ASIC2: variants seen among roughly 807,000 people sequenced by gnomAD.
ASIC2 encodes the protein acid-sensing ion channel 2.
Under a neutral mutation model 57.3 loss-of-function variants are expected in ASIC2, and 25 were observed. The observed-to-expected ratio is 0.44, with a 90% CI of 0.32 to 0.61. The LOEUF (loss-of-function observed/expected upper bound fraction) is 0.61. Ranked by LOEUF, ASIC2 falls within the 20% of genes least tolerant of loss-of-function variation. The probability of loss-of-function intolerance (pLI) is 0.06; values close to 1 mark genes in which losing one functional copy is unlikely to be tolerated. For synonymous variants in ASIC2, 319 were observed against 307.5 expected, an observed-to-expected ratio of 1.04 and a Z score of -0.39; for missense variants, 641 against 738.1, an observed-to-expected ratio of 0.87 and a Z score of 1.52.
upstream of ASIC2, among the ~76,000 whole-genome samples, chr17:33,293,346 G>T (rs1246428715): frequency 6.6e-6 from 1 of 152,160 alleles, no homozygotes; most frequent in Non-Finnish European, 1.5e-5. Context: ...CTGGAGACGC[G>T]GTGCTGACGC....
chr17:33,507,742 A>G (rs1157078606), intron 1 of ASIC2, among the ~76,000 whole-genome samples: 2 of 152,100 alleles, frequency 1.3e-5, no homozygotes, highest in Non-Finnish European at 2.9e-5. Context: ...TCTCTACTAA[A>G]AATACAAAAA....
intron 1 of ASIC2, among the ~76,000 whole-genome samples, chr17:33,946,774 A>G (rs1433840971): frequency 6.6e-6 from 1 of 152,182 alleles, no homozygotes; most frequent in East Asian, 1.9e-4. Context: ...GCCAGGGGAC[A>G]AGGGTCATGG....
chr17:34,098,930 G>C (rs1329761818), intron 1 of ASIC2, among the ~76,000 whole-genome samples: 3 of 151,950 alleles, frequency 2.0e-5, no homozygotes, highest in Admixed American at 2.0e-4. Flanking sequence ...CCGTGATACT[G>C]TGTGATACAT....
intron 1 of ASIC2, among the ~76,000 whole-genome samples, chr17:33,766,302 T>C (rs1910934697): frequency 6.6e-6 from 1 of 152,210 alleles, no homozygotes; most frequent in Non-Finnish European, 1.5e-5. Flanking sequence ...ATTTAGGGTT[T>C]GGTAGTATCA....
rs571521040 is a variant in ASIC2, at chr17:33,934,277, C to T, written c.555+221701G>A. Among the ~76,000 whole-genome samples, 3 of 152,330 alleles carry T rather than the reference C, an allele frequency of 2.0e-5. No homozygotes were observed. In the East Asian group the frequency reaches 5.8e-4, roughly 29 times the overall value. On this transcript the variant is annotated intron_variant, in intron 1 of 9. Transcript: ENST00000359872. ...GAGGCCACAGCCTTCTCCTTGCTCACCCAGAGTAATGCCAGTTCGAAACGG... is the reference window on the plus strand; with the variant it reads ...GAGGCCACAGCCTTCTCCTTGCTCATCCAGAGTAATGCCAGTTCGAAACGG...
At chr17:33,601,403 T>C (rs1349467199) in intron 1 of ASIC2, among the ~76,000 whole-genome samples, 1 of 152,074 alleles carries the variant, frequency 6.6e-6, no homozygotes, top group Non-Finnish European at 1.5e-5. Flanking sequence ...GGGACTCTGC[T>C]CCCCACATTT....
intron 1 of ASIC2, among the ~76,000 whole-genome samples, chr17:33,740,393 GTTC>G (rs1000965543): frequency 6.6e-6 from 1 of 152,186 alleles, no homozygotes; most frequent in African/African-American, 2.4e-5. Flanking sequence ...AAGCAAACAT[GTTC>G]TTCTTCATAT....
At chr17:34,131,788 C>G (rs1347718735) in intron 1 of ASIC2, among the ~76,000 whole-genome samples, 1 of 152,194 alleles carries the variant, frequency 6.6e-6, no homozygotes, top group Non-Finnish European at 1.5e-5. Flanking sequence ...GCCGAGGCCC[C>G]CTGTCCAAAT....
intron 1 of ASIC2, among the ~76,000 whole-genome samples, chr17:33,858,298 G>A (rs776716918): frequency 2.0e-5 from 3 of 152,154 alleles, no homozygotes; most frequent in Non-Finnish European, 2.9e-5. Flanking sequence ...GAAGCACAGC[G>A]AGTAATGCCT....
intron 1 of ASIC2, among the ~76,000 whole-genome samples, chr17:33,786,685 C>G (rs955924285): frequency 1.3e-5 from 2 of 152,096 alleles, no homozygotes; most frequent in Non-Finnish European, 2.9e-5. Context: ...GACTCCTGGC[C>G]CCTGGCCACC....
chr17:33,748,294 G>A (rs1279526128), intron 1 of ASIC2, among the ~76,000 whole-genome samples: 2 of 152,180 alleles, frequency 1.3e-5, no homozygotes, highest in East Asian at 1.9e-4. Flanking sequence ...CACCTCCCAG[G>A]TCTGGAGATG....
At chr17:34,057,939 C>T (rs967083142) in intron 1 of ASIC2, among the ~76,000 whole-genome samples, 2 of 145,248 alleles carry the variant, frequency 1.4e-5, no homozygotes, top group African/African-American at 5.3e-5. Flanking sequence ...GCAGTAGTAA[C>T]AAACCTCCAA....
At chr17:33,862,558 G>T (rs887893778) in intron 1 of ASIC2, among the ~76,000 whole-genome samples, 2 of 152,146 alleles carry the variant, frequency 1.3e-5, no homozygotes, top group Non-Finnish European at 2.9e-5. Flanking sequence ...GTGCAAGTAG[G>T]TATTCCAGGT....
intron 1 of ASIC2, among the ~76,000 whole-genome samples, chr17:33,198,543 G>A (rs1161469623): frequency 6.6e-6 from 1 of 152,180 alleles, no homozygotes; most frequent in African/African-American, 2.4e-5. Context: ...GTTTCAACCT[G>A]TCCTGCCACC....
chr17:33,468,938 T>C (rs2141917900), intron 1 of ASIC2, among the ~76,000 whole-genome samples: 1 of 152,278 alleles, frequency 6.6e-6, no homozygotes, highest in East Asian at 1.9e-4. Context: ...CAATGGGGAA[T>C]GCTGGGCATA....
At chr17:34,008,742 A>G (rs1473087856) in intron 1 of ASIC2, among the ~76,000 whole-genome samples, 1 of 152,144 alleles carries the variant, frequency 6.6e-6, no homozygotes, top group East Asian at 1.9e-4. Flanking sequence ...ACTCTTTGAG[A>G]GTTCCAGAAA....
intron 1 of ASIC2, among the ~76,000 whole-genome samples, chr17:33,515,259 A>T (rs1390674664): frequency 6.6e-6 from 1 of 152,180 alleles, no homozygotes; most frequent in Non-Finnish European, 1.5e-5. Context: ...GATTCCCAGG[A>T]CATACCCATA....
At chr17:33,382,304 C>A (rs150713230) in intron 1 of ASIC2, among the ~76,000 whole-genome samples, 7 of 152,088 alleles carry the variant, frequency 4.6e-5, no homozygotes, top group Non-Finnish European at 8.8e-5. Flanking sequence ...ACCTTTTTTT[C>A]GGTTGAAAAG....
chr17:33,139,238 T>G (rs2092378072), intron 1 of ASIC2, among the ~76,000 whole-genome samples: 1 of 152,200 alleles, frequency 6.6e-6, no homozygotes, highest in Admixed American at 6.5e-5. Context: ...GACTCTTTCC[T>G]GCCTACCTGT....
Sources: gnomAD v4.1 joint callset for allele counts (sites outside exome capture counted in the v4.1 genomes callset) on GRCh38, gnomAD v4.1.1 for gene constraint, MANE v1.5 for transcripts, NCBI Gene and HGNC (gene_info 2026-07-23, HGNC 2026-07-21) for gene names.